The following ADGRB2 variants were observed in gnomAD, a reference collection of about 807,000 sequenced individuals.
ADGRB2 encodes brain-specific angiogenesis inhibitor 2.
A neutral mutation model predicts 178.7 loss-of-function variants in ADGRB2; 47 were observed. The observed-to-expected ratio is 0.26, with a 90% confidence interval of 0.21 to 0.34. The LOEUF (loss-of-function observed/expected upper bound fraction) is 0.34. ADGRB2 is among the 10% of genes least tolerant of loss of function. ADGRB2 has a pLI of 1.00. For synonymous variants in ADGRB2, 870 were observed against 912.4 expected, an observed-to-expected ratio of 0.95 and a Z score of 0.84; for missense variants, 1,584 against 2,180.8, an observed-to-expected ratio of 0.73 and a Z score of 5.45.
chr1:31,730,096 A>G (rs1645200954), intron 29 of ADGRB2, among the ~76,000 whole-genome samples: 1 of 152,226 alleles, frequency 6.6e-6, no homozygotes. Flanking sequence ...AGAATGTTCT[A>G]GAGTTCCACA....
chr1:31,738,377 C>T (rs1251021910), intron 17 of ADGRB2, 51 bp from the exon 18 acceptor site: 1 of 1,609,448 alleles, frequency 6.2e-7, no homozygotes. Context: ...CGTGGCCCTG[C>T]CCCCAGTCCT....
At position 31,751,643 on chromosome 1, in the gene ADGRB2, C is replaced by T. The variant is rs181698671; in HGVS notation, c.838+4356G>A. ...TTGTTTCTTTGGTTATCTTCTATTT[C>T]AGATAAATGATACTCTTTCCATTTA... On this transcript the variant is annotated intron_variant, in intron 4 of 32. Coordinates refer to ENST00000373658, the MANE Select transcript of ADGRB2 (RefSeq NM_001364857.2). 7.3e-3 allele frequency among the ~76,000 whole-genome samples: 1,114 copies of T among 152,254 alleles called. 9 individuals carry two copies. Among genetic ancestry groups the T allele is most frequent in the Non-Finnish European group, 1.0e-2 (678 of 68,010 alleles).
Position 31,738,337 on chromosome 1 carries a change from G to A in ADGRB2, c.2646-11C>T, listed in dbSNP as rs778086583. On this transcript the variant is annotated splice_polypyrimidine_tract_variant and intron_variant, in intron 17 of 32. Coordinates refer to ENST00000373658, the MANE Select transcript of ADGRB2 (RefSeq NM_001364857.2). Reference sequence around the variant, plus strand: ...CCTGAGCTGGCATCTCTTGGGTAGGGGAGAGATTCAGTGAGCCCCAGGCCA... The same window carrying A: ...CCTGAGCTGGCATCTCTTGGGTAGGAGAGAGATTCAGTGAGCCCCAGGCCA... The A allele has an allele frequency of 3.7e-6, 6 of 1,609,082 alleles. No homozygotes were observed. The highest frequency in any genetic ancestry group is 1.7e-5 in the Admixed American group (1 of 59,728).
At chr1:31,738,138 A>T in intron 18 of ADGRB2, 62 bp downstream of exon 18, 1 of 1,592,642 alleles carries the variant, frequency 6.3e-7, no homozygotes, top group East Asian at 2.3e-5. Flanking sequence ...ACCATCACTG[A>T]TGGCTGCTGG....
At chr1:31,752,969 C>T (rs1286314153) in intron 4 of ADGRB2, among the ~76,000 whole-genome samples, 1 of 152,128 alleles carries the variant, frequency 6.6e-6, no homozygotes, top group Non-Finnish European at 1.5e-5. Context: ...CAGGGGCAGG[C>T]CAGTGCCCAC....
rs1646810566 is a variant in ADGRB2, at chr1:31,755,972, C to T, written c.838+27G>A. On this transcript the variant is annotated intron_variant, in intron 4 of 32. Transcript: ENST00000373658. The surrounding 1 kb of genome is among the most constrained non-coding windows in gnomAD (Gnocchi z 5.1). ...ACACTGTCAGCCCCTGCAGACCCCG[C>T]CCCACCCAGGCCCTGCTGAGACTCA... 1.3e-6 allele frequency: 2 copies of T among 1,578,424 alleles called. No homozygotes were observed. The highest frequency in any genetic ancestry group is 1.2e-5 in the South Asian group (1 of 85,714).
intron 4 of ADGRB2, among the ~76,000 whole-genome samples, chr1:31,748,448 A>T (rs935386801): frequency 1.3e-5 from 2 of 152,250 alleles, no homozygotes; most frequent in African/African-American, 2.4e-5. Context: ...AGGGGGAAGA[A>T]GACAGATAAG....
chr1:31,742,254 C>A, intron 7 of ADGRB2, 37 bp from the exon 8 acceptor site: 1 of 1,563,562 alleles, frequency 6.4e-7, no homozygotes. Flanking sequence ...GGCTGTTGAG[C>A]AGGATGTGTG....
intron 8 of ADGRB2, 28 bp downstream of exon 8, chr1:31,742,025 A>G: frequency 1.3e-6 from 2 of 1,590,376 alleles, no homozygotes; most frequent in South Asian, 2.3e-5. Context: ...CAGAGCTGCA[A>G]CTTGCCACCA....
At position 31,756,251 on chromosome 1, in the gene ADGRB2, A is replaced by G; in HGVS notation, c.586T>C (p.Phe196Leu). Residue 196 changes from phenylalanine (F) to leucine (L), a missense_variant, in exon 4 of 33, where the codon TTC becomes CTC. Around this residue, in one of 3 missense-constraint regions of ADGRB2, gnomAD observed 657 missense variants for 847.6 expected, o/e 0.78. Coordinates refer to ENST00000373658, the MANE Select transcript of ADGRB2 (RefSeq NM_001364857.2). This position sits in a 1 kb window ranked among gnomAD's most constrained non-coding sequence, Gnocchi z 8.5. ...LLINNNNSSQ[F>L]TCGVLCRWSE... The stretch of plus-strand genomic sequence containing the variant: ...CAGCGGCAGAGCACACCACAGGTGA[A>G]TTGGCTAGAGTTGTTGTTGTTGATG... 6.2e-7 allele frequency: 1 copy of G among 1,613,436 alleles called. No individual in the cohort carries two copies. Among genetic ancestry groups the G allele is most frequent in the Non-Finnish European group, 8.5e-7 (1 of 1,179,940 alleles).
Position 31,740,997 on chromosome 1 carries a change from GTCAAACA to G in ADGRB2, c.1794+369_1794+375del. Among the ~76,000 whole-genome samples, 1 of 151,776 alleles carries G rather than the reference GTCAAACA, an allele frequency of 6.6e-6. No homozygotes were observed. The highest frequency in any genetic ancestry group is 1.9e-4 in the East Asian group (1 of 5,136). On this transcript the variant is annotated intron_variant, in intron 11 of 32. Transcript: ENST00000373658. The surrounding 1 kb of genome is among the most constrained non-coding windows in gnomAD (Gnocchi z 5.9). Reference sequence around the variant, plus strand: ...TTCACACAATTAATACCCAATTACAGTCAAACATGTACACACATTCACTGATGCTACT... The same window carrying G: ...TTCACACAATTAATACCCAATTACAGTGTACACACATTCACTGATGCTACT...
rs1569778772 is a variant in ADGRB2, at chr1:31,733,275, A to G, written c.3453-132T>C. 1 of 955,466 alleles carries G rather than the reference A, an allele frequency of 1.0e-6. No individual in the cohort carries two copies. Among genetic ancestry groups the G allele is most frequent in the East Asian group, 2.6e-5 (1 of 37,994 alleles). 59.2% of individuals were successfully genotyped at this position (955,466 alleles called of 1,614,324 possible). On this transcript the variant is annotated intron_variant, in intron 25 of 32. Transcript: ENST00000373658. This position sits in a 1 kb window ranked among gnomAD's most constrained non-coding sequence, Gnocchi z 4.3. ...GGGCCCCAAACCCCAGGGCCTCAGT[A>G]ATGTCCCCAAGCAGAGAGGGGCTGA... is the stretch of plus-strand genomic sequence containing the variant.
At position 31,759,873 on chromosome 1, in the gene ADGRB2, C is replaced by T. The variant is rs903583074; in HGVS notation, c.-190-2362G>A. On this transcript the variant is annotated intron_variant, in intron 1 of 32. Coordinates refer to ENST00000373658, the MANE Select transcript of ADGRB2 (RefSeq NM_001364857.2). The surrounding 1 kb of genome is among the most constrained non-coding windows in gnomAD (Gnocchi z 4.3). Reference sequence around the variant, plus strand: ...TGCCTCACAGGCAGCCCAAGTGGCTCTTAGTCATGATTAACCCCCCTGAGC... The same window carrying T: ...TGCCTCACAGGCAGCCCAAGTGGCTTTTAGTCATGATTAACCCCCCTGAGC... Among the ~76,000 whole-genome samples the T allele has an allele frequency of 1.3e-5, 2 of 152,166 alleles. No individual in the cohort carries two copies. Among genetic ancestry groups the T allele is most frequent in the African/African-American group, 4.8e-5 (2 of 41,438 alleles).
intron 27 of ADGRB2, 152 bp downstream of exon 27, chr1:31,732,365 A>G (rs1037012841): frequency 1.8e-6 from 2 of 1,133,784 alleles, no homozygotes; most frequent in African/African-American, 3.1e-5. Context: ...GACTTGCCCA[A>G]TGCCACCCAG....
In ADGRB2 at chr1:31,756,255, G is replaced by A. The variant is rs1480786344; in HGVS notation, c.582C>T (p.Ser194=). ...GGCAGAGCACACCACAGGTGAATTG[G>A]CTAGAGTTGTTGTTGTTGATGAGCA... ...EVLLINNNNS[S]QFTCGVLCRW... The change falls in exon 4 of 33, where the codon AGC becomes AGT. Residue 194 remains serine (S), a synonymous_variant. Coordinates refer to ENST00000373658, the MANE Select transcript of ADGRB2 (RefSeq NM_001364857.2). The surrounding 1 kb of genome is among the most constrained non-coding windows in gnomAD (Gnocchi z 8.5). The A allele has an allele frequency of 1.2e-6, 2 of 1,613,428 alleles. No homozygotes were observed. The highest frequency in any genetic ancestry group is 1.7e-6 in the Non-Finnish European group (2 of 1,179,958).
chr1:31,730,110 G>A (rs1645201606), intron 29 of ADGRB2, among the ~76,000 whole-genome samples: 1 of 152,184 alleles, frequency 6.6e-6, no homozygotes, highest in African/African-American at 2.4e-5. Flanking sequence ...TTCCACAGCA[G>A]GCCACTACTG....
At position 31,733,377 on chromosome 1, in the gene ADGRB2, G is replaced by A. The variant is rs1197973112; in HGVS notation, c.3453-234C>T. 6.6e-6 allele frequency among the ~76,000 whole-genome samples: 1 copy of A among 152,230 alleles called. No homozygotes were observed. Among genetic ancestry groups the A allele is most frequent in the East Asian group, 1.9e-4 (1 of 5,198 alleles). On this transcript the variant is annotated intron_variant, in intron 25 of 32. Coordinates refer to ENST00000373658, the MANE Select transcript of ADGRB2 (RefSeq NM_001364857.2). The surrounding 1 kb of genome is among the most constrained non-coding windows in gnomAD (Gnocchi z 4.3). ...GTCAGAGCAGGGACCAGGAAGGTGG[G>A]GAAGGACACGCAGACACAGTGGGAC...
In ADGRB2 at chr1:31,737,739, C is replaced by T; in HGVS notation, c.2789G>A (p.Gly930Asp). 1 of 1,613,540 alleles carries T rather than the reference C, an allele frequency of 6.2e-7. No homozygotes were observed. The highest frequency in any genetic ancestry group is 8.5e-7 in the Non-Finnish European group (1 of 1,179,996). ...PPKDLTLELAGSPSVPLVIGC... is the reference protein window; with the variant it reads ...PPKDLTLELADSPSVPLVIGC... Reference sequence around the variant, plus strand: ...GATCACCAGGGGGACCGAGGGGGAGCCCGCCAGCTCCAGGGTCTGGGGAAG... The same window carrying T: ...GATCACCAGGGGGACCGAGGGGGAGTCCGCCAGCTCCAGGGTCTGGGGAAG... The change falls in exon 19 of 33, where the codon GGC (glycine) becomes GAC (aspartate). Residue 930 changes from glycine to aspartate, a missense_variant. This residue lies in a region of ADGRB2 where 865 missense variants were observed against 1,192.8 expected (regional missense o/e 0.73). Coordinates refer to ENST00000373658, the MANE Select transcript of ADGRB2 (RefSeq NM_001364857.2).
At chr1:31,732,244 C>T in intron 27 of ADGRB2, 90 bp from the exon 28 acceptor site, 1 of 1,557,314 alleles carries the variant, frequency 6.4e-7, no homozygotes, top group Non-Finnish European at 8.8e-7. Flanking sequence ...GCCAGCTTTG[C>T]CCAGTCTGCC....
Sources: allele counts gnomAD v4.1 joint callset (sites outside exome capture counted in the v4.1 genomes callset), GRCh38; gene constraint gnomAD v4.1.1; regional missense constraint gnomAD v4.1.1; non-coding constraint Gnocchi (gnomAD v3.1); transcripts MANE v1.5; gene names NCBI Gene and HGNC (gene_info 2026-07-23, HGNC 2026-07-21).